SYT1: variants seen among roughly 807,000 people sequenced by gnomAD.
SYT1 encodes synaptotagmin-1.
A neutral mutation model predicts 44.8 loss-of-function variants in SYT1; 8 were observed. That is an observed-to-expected ratio of 0.18 (90% CI 0.10 to 0.32). The LOEUF is 0.32. Ranked by LOEUF, SYT1 falls within the 10% of genes least tolerant of loss-of-function variation. The probability of loss-of-function intolerance (pLI) is 1.00; values close to 1 mark genes in which losing one functional copy is unlikely to be tolerated. For missense variants in SYT1, 286 were observed against 509.3 expected (o/e 0.56, Z 4.22); for synonymous variants, 154 against 188.8 (o/e 0.82, Z 1.51).
At chr12:79,229,802 C>T (rs1875755120) in intron 4 of SYT1, among the ~76,000 whole-genome samples, 1 of 151,942 alleles carries the variant, frequency 6.6e-6, no homozygotes, top group Non-Finnish European at 1.5e-5. Flanking sequence ...ATCATATTGG[C>T]CAGGCTGGTC....
Position 79,180,958 on chromosome 12 carries a change from C to G in SYT1, c.-17-36545C>G, listed in dbSNP as rs56204270. Among the ~76,000 whole-genome samples the G allele has an allele frequency of 3.4e-3, 518 of 152,164 alleles. 4 individuals carry two copies. Among genetic ancestry groups the G allele is most frequent in the African/African-American group, 0.012 (505 of 41,528 alleles). On this transcript the variant is annotated intron_variant, in intron 3 of 10. Coordinates refer to ENST00000261205, the MANE Select transcript of SYT1 (RefSeq NM_005639.3). ...GTCCTCATGATAGCGAGTGAGTTCT[C>G]TCGAGAGCTGATGGTTTTATAAGGT...
chr12:78,952,438 T>A (rs1416162337), intron 1 of SYT1, among the ~76,000 whole-genome samples: 2 of 152,138 alleles, frequency 1.3e-5, no homozygotes, highest in African/African-American at 4.8e-5. Context: ...GAGCCTGGAC[T>A]GCATGTGCCT....
At chr12:79,325,677 G>T (rs1881579314) in intron 8 of SYT1, among the ~76,000 whole-genome samples, 1 of 152,146 alleles carries the variant, frequency 6.6e-6, no homozygotes, top group Non-Finnish European at 1.5e-5. Flanking sequence ...TACAGATAAG[G>T]TTCATGGAAT....
At chr12:79,416,831 A>T (rs1292308324) in intron 9 of SYT1, among the ~76,000 whole-genome samples, 1 of 152,208 alleles carries the variant, frequency 6.6e-6, no homozygotes, top group Non-Finnish European at 1.5e-5. Context: ...GAAAGAAGAT[A>T]TAAAAGGTAC....
chr12:79,370,183 G>T (rs918136017), intron 9 of SYT1, among the ~76,000 whole-genome samples: 1 of 151,954 alleles, frequency 6.6e-6, no homozygotes, highest in South Asian at 2.1e-4. Flanking sequence ...CACTTAAGAG[G>T]AGAGACATTA....
intron 2 of SYT1, among the ~76,000 whole-genome samples, chr12:78,994,340 A>C (rs762354759): frequency 6.6e-6 from 1 of 152,166 alleles, no homozygotes; most frequent in Non-Finnish European, 1.5e-5. Context: ...AGTTTTGAGG[A>C]GAGAATCACA....
At chr12:79,259,929 T>G (rs1181722953) in intron 4 of SYT1, among the ~76,000 whole-genome samples, 1 of 152,194 alleles carries the variant, frequency 6.6e-6, no homozygotes, top group East Asian at 1.9e-4. Flanking sequence ...GATTCCACCG[T>G]TCCTTATTTT....
intron 9 of SYT1, among the ~76,000 whole-genome samples, chr12:79,379,434 G>A (rs955560961): frequency 6.6e-6 from 1 of 152,128 alleles, no homozygotes; most frequent in Non-Finnish European, 1.5e-5. Context: ...TGAGAACCCT[G>A]AAAATACATA....
At chr12:79,209,698 T>C (rs528624096) in intron 3 of SYT1, among the ~76,000 whole-genome samples, 2 of 152,290 alleles carry the variant, frequency 1.3e-5, no homozygotes, top group African/African-American at 4.8e-5. Flanking sequence ...GGGAAGAGGC[T>C]GAAATCCTTA....
chr12:79,321,516 G>C (rs1881358226), intron 8 of SYT1, among the ~76,000 whole-genome samples: 2 of 152,154 alleles, frequency 1.3e-5, no homozygotes, highest in Non-Finnish European at 2.9e-5. Context: ...TTGAATTCTA[G>C]TTCTTCCTCT....
intron 2 of SYT1, among the ~76,000 whole-genome samples, chr12:79,028,677 T>C (rs1872666433): frequency 6.6e-6 from 1 of 151,488 alleles, no homozygotes; most frequent in South Asian, 2.1e-4. Flanking sequence ...AATTGGTAAA[T>C]AGTTAATATA....
intron 2 of SYT1, among the ~76,000 whole-genome samples, chr12:79,023,445 G>T (rs141068914): frequency 2.5e-4 from 38 of 151,692 alleles, no homozygotes; most frequent in Admixed American, 2.4e-3. Context: ...AGCAGGAAAA[G>T]TCAAAGGTGG....
Position 79,397,937 on chromosome 12 carries a change from T to C in SYT1, c.928+44318T>C, listed in dbSNP as rs546763844. The stretch of plus-strand genomic sequence containing the variant: ...CTGAGGTTCCTGACATTTTTGTGTT[T>C]CTCAGAAAATGTTGGTGCAGCTTTT... On this transcript the variant is annotated intron_variant, in intron 9 of 10. Coordinates refer to ENST00000261205, the MANE Select transcript of SYT1 (RefSeq NM_005639.3). 6.6e-5 allele frequency among the ~76,000 whole-genome samples: 10 copies of C among 152,338 alleles called. No individual in the cohort carries two copies. In the South Asian group the frequency reaches 2.1e-3, roughly 32 times the overall value.
intron 1 of SYT1, among the ~76,000 whole-genome samples, chr12:78,951,988 G>T (rs1262259995): frequency 6.6e-6 from 1 of 152,066 alleles, no homozygotes; most frequent in East Asian, 1.9e-4. Flanking sequence ...ACTGGTTGGT[G>T]GGATAAACAG....
chr12:79,245,350 C>G (rs1289035790), intron 4 of SYT1, among the ~76,000 whole-genome samples: 1 of 149,794 alleles, frequency 6.7e-6, no homozygotes, highest in East Asian at 2.0e-4. Context: ...TAGCGGGCGC[C>G]TGTAGTCCCA....
At chr12:78,881,933 C>G (rs1874479050) in intron 1 of SYT1, among the ~76,000 whole-genome samples, 1 of 151,588 alleles carries the variant, frequency 6.6e-6, no homozygotes, top group Admixed American at 6.6e-5. Flanking sequence ...CTTCTGATCT[C>G]TCAATGACAA....
rs201834566 is a variant in SYT1, at chr12:79,134,985, C to CCA, written c.-17-82495_-17-82494dup. On this transcript the variant is annotated intron_variant, in intron 3 of 10. Coordinates refer to ENST00000261205, the MANE Select transcript of SYT1 (RefSeq NM_005639.3). ...AGAAAGTAGATCTTAAATGTTCTCA[C>CCA]CACACACACACACACACACACACAA... Among the ~76,000 whole-genome samples, 806 of 147,894 alleles carry CCA rather than the reference C, an allele frequency of 5.4e-3. 2 individuals carry two copies. The highest frequency in any genetic ancestry group is 0.014 in the South Asian group (66 of 4,664).
intron 3 of SYT1, among the ~76,000 whole-genome samples, chr12:79,146,798 A>G (rs533194069): frequency 2.0e-5 from 3 of 152,182 alleles, no homozygotes; most frequent in Admixed American, 6.5e-5. Context: ...AAAATTGTGT[A>G]AAGTGTCTAC....
At chr12:79,176,944 C>T (rs1220174004) in intron 3 of SYT1, among the ~76,000 whole-genome samples, 1 of 151,910 alleles carries the variant, frequency 6.6e-6, no homozygotes, top group Non-Finnish European at 1.5e-5. Flanking sequence ...ATTGAACATT[C>T]GTCCAATAAT....
Sources: allele counts gnomAD v4.1 joint callset (sites outside exome capture counted in the v4.1 genomes callset), GRCh38; gene constraint gnomAD v4.1.1; transcripts MANE v1.5; gene names NCBI Gene and HGNC (gene_info 2026-07-23, HGNC 2026-07-21).